EP300: variants seen among roughly 807,000 people sequenced by gnomAD.
EP300 encodes the protein histone acetyltransferase p300.
EP300 carries 31 observed loss-of-function variants against 264.0 expected under a neutral mutation model. That is an observed-to-expected ratio of 0.12 (90% confidence interval 0.09 to 0.16). EP300 has a LOEUF of 0.16. Ranked by LOEUF, EP300 falls within the 10% of genes least tolerant of loss-of-function variation. EP300 has a pLI of 1.00. For synonymous variants in EP300, 1,340 were observed against 1,045.4 expected, an observed-to-expected ratio of 1.28 and a Z score of -5.44; for missense variants, 2,766 against 3,052.9, an observed-to-expected ratio of 0.91 and a Z score of 2.21.
In EP300 at chr22:41,122,677, T is replaced by A. The variant is rs373912329; in HGVS notation, c.730-3187T>A. Among the ~76,000 whole-genome samples the A allele has an allele frequency of 7.2e-4, 109 of 152,258 alleles. 2 individuals are homozygous for A. In the South Asian group the frequency reaches 0.012, roughly 17 times the overall value. ...AGAAGATTAATTTACATTTTTTTGT[T>A]TTTTTTAATAGAGGCAAACTGCTGA... is the stretch of plus-strand genomic sequence containing the variant. On this transcript the variant is annotated intron_variant, in intron 2 of 30. Coordinates refer to ENST00000263253, the MANE Select transcript of EP300 (RefSeq NM_001429.4).
chr22:41,157,177 T>A lies in EP300; in HGVS notation c.3270T>A (p.Phe1090Leu). The A allele has an allele frequency of 6.2e-7, 1 of 1,614,172 alleles. No homozygotes were observed. The highest frequency in any genetic ancestry group is 8.5e-7 in the Non-Finnish European group (1 of 1,180,024). Residue 1090 changes from phenylalanine to leucine, a missense_variant, in exon 18 of 31, where the codon TTT becomes TTA. Transcript: ENST00000263253. ...GTCACTTGTCTTTCTAGGATTACTT[T>A]GATATTGTGAAGAGCCCCATGGATC... is the stretch of plus-strand genomic sequence containing the variant. Reference protein sequence around the residue: ...DPQLLGIPDYFDIVKSPMDLS... With the variant: ...DPQLLGIPDYLDIVKSPMDLS...
intron 2 of EP300, among the ~76,000 whole-genome samples, chr22:41,119,921 TCTC>T (rs2058843117): frequency 6.6e-6 from 1 of 152,132 alleles, no homozygotes; most frequent in Admixed American, 6.5e-5. Context: ...TTCAGGCAGT[TCTC>T]CTGCCTCAGG....
intron 17 of EP300, among the ~76,000 whole-genome samples, chr22:41,155,557 TCA>T (rs1215590208): frequency 6.6e-6 from 1 of 152,096 alleles, no homozygotes; most frequent in Non-Finnish European, 1.5e-5. Context: ...TTTAGTATAT[TCA>T]CAGAGTTGTG....
chr22:41,117,255 C>G lies in EP300; in HGVS notation c.163C>G (p.Leu55Val), dbSNP rs1407218539. 4 of 1,614,080 alleles carry G rather than the reference C, an allele frequency of 2.5e-6. No individual in the cohort carries two copies. The highest frequency in any genetic ancestry group is 3.4e-6 in the Non-Finnish European group (4 of 1,180,046). ...DELINSTELG[L>V]TNGGDINQLQ... ...ATTAATCAACTCTACAGAATTGGGA[C>G]TAACCAATGGTGGTGATATTAATCA... is the stretch of plus-strand genomic sequence containing the variant. The change falls in exon 2 of 31, where the codon CTA becomes GTA. Residue 55 changes from leucine (L) to valine (V), a missense_variant. Transcript: ENST00000263253.
chr22:41,107,363 A>T (rs1020650802), intron 1 of EP300, among the ~76,000 whole-genome samples: 2 of 151,932 alleles, frequency 1.3e-5, no homozygotes. Context: ...ATTTTACTTC[A>T]TTTTACCTAA....
chr22:41,140,275 T>G lies in EP300; in HGVS notation c.1878+18T>G, dbSNP rs1013036650. 1 of 1,516,144 alleles carries G rather than the reference T, an allele frequency of 6.6e-7. No homozygotes were observed. Among genetic ancestry groups the G allele is most frequent in the Admixed American group, 1.7e-5 (1 of 59,906 alleles). The allele number at this position is 1,516,144 out of a possible 1,614,324, so 93.9% of individuals were successfully genotyped here. ...ACAATCGAGTGAGTGTCTGGTTTTT[T>G]TCTATTAATAGCCAAGATTGAACCT... On this transcript the variant is annotated intron_variant, in intron 9 of 30. Coordinates refer to ENST00000263253, the MANE Select transcript of EP300 (RefSeq NM_001429.4).
At chr22:41,142,793 G>A (rs1043655764) in intron 10 of EP300, among the ~76,000 whole-genome samples, 2 of 152,152 alleles carry the variant, frequency 1.3e-5, no homozygotes. Context: ...GGCTGAGGCA[G>A]GAGAACAGTG....
At chr22:41,169,745 CTT>C in intron 26 of EP300, 129 bp downstream of exon 26, 1 of 670,612 alleles carries the variant, frequency 1.5e-6, no homozygotes, top group Non-Finnish European at 2.7e-6. Flanking sequence ...TAACAATTCT[CTT>C]AACTTTGTTG....
chr22:41,131,489 A>G lies in EP300; in HGVS notation c.1384A>G (p.Ser462Gly), dbSNP rs372093137. ...AAGCACTGTTAGTCAGATTGATCCCAGCTCCATAGAAAGAGCCTATGCAGC... is the reference window on the plus strand; with the variant it reads ...AAGCACTGTTAGTCAGATTGATCCCGGCTCCATAGAAAGAGCCTATGCAGC... ...NLSTVSQIDP[S>G]SIERAYAALG... The change falls in exon 6 of 31, where the codon AGC becomes GGC. Residue 462 changes from serine to glycine, a missense_variant. By Grantham distance (56) the Ser-to-Gly change is moderately conservative. Coordinates refer to ENST00000263253, the MANE Select transcript of EP300 (RefSeq NM_001429.4). 1.1e-5 allele frequency: 17 copies of G among 1,614,016 alleles called. No individual in the cohort carries two copies. The highest frequency in any genetic ancestry group is 1.4e-5 in the Non-Finnish European group (17 of 1,180,026).
chr22:41,130,575 C>A (rs888015331), intron 5 of EP300, among the ~76,000 whole-genome samples: 3 of 151,944 alleles, frequency 2.0e-5, no homozygotes, highest in African/African-American at 7.2e-5. Flanking sequence ...CTGAACACTG[C>A]TTAACATCCA....
intron 23 of EP300, among the ~76,000 whole-genome samples, chr22:41,167,584 GTATATATATATATATA>G (rs56131556): frequency 0.044 from 1,484 of 34,102 alleles, 42 homozygotes; most frequent in Non-Finnish European, 0.052. Context: ...GTGTGTGTGT[GTATATATATATATATA>G]TATATATATA....
At chr22:41,167,842 T>TTTTTTTTTTTTTTTTTTTTTTG in intron 23 of EP300, among the ~76,000 whole-genome samples, 1 of 102,632 alleles carries the variant, frequency 9.7e-6, no homozygotes, top group Non-Finnish European at 2.0e-5. Flanking sequence ...TTTTTTTTTT[T>TTTTTTTTTTTTTTTTTTTTTTG]TTTTTTTTTG....
intron 2 of EP300, among the ~76,000 whole-genome samples, chr22:41,125,027 C>T (rs772858641): frequency 3.3e-5 from 5 of 151,620 alleles, no homozygotes; most frequent in Non-Finnish European, 5.9e-5. Flanking sequence ...CAGCCTCAAC[C>T]TCCCAGGCTC....
At chr22:41,126,154 A>G in intron 3 of EP300, 114 bp downstream of exon 3, 1 of 1,047,934 alleles carries the variant, frequency 9.5e-7, no homozygotes, top group Non-Finnish European at 1.5e-6. Flanking sequence ...CTAGGAGCCT[A>G]AATTGATATG....
At position 41,177,160 on chromosome 22, in the gene EP300, C is replaced by A; in HGVS notation, c.5449C>A (p.Gln1817Lys). 1 of 1,614,144 alleles carries A rather than the reference C, an allele frequency of 6.2e-7. No homozygotes were observed. Among genetic ancestry groups the A allele is most frequent in the Non-Finnish European group, 8.5e-7 (1 of 1,180,018 alleles). The change falls in exon 31 of 31, where the codon CAG becomes AAG. Residue 1817 changes from glutamine to lysine, a missense_variant. Gln to Lys is a moderately conservative substitution (Grantham distance 53). Coordinates refer to ENST00000263253, the MANE Select transcript of EP300 (RefSeq NM_001429.4). ...CATCAAGCAGAAGCTCCGGCAGCAA[C>A]AGCTGCAGCACCGACTACAGCAGGC... ...LNIKQKLRQQ[Q>K]LQHRLQQAQM...
intron 1 of EP300, among the ~76,000 whole-genome samples, chr22:41,110,387 G>T (rs185638127): frequency 7.7e-6 from 1 of 129,426 alleles, no homozygotes; most frequent in African/African-American, 2.9e-5. Flanking sequence ...CCACCTCTCG[G>T]GTTCAACTGA....
chr22:41,145,082 A>G (rs550726422), intron 10 of EP300, among the ~76,000 whole-genome samples: 3 of 152,192 alleles, frequency 2.0e-5, no homozygotes, highest in Non-Finnish European at 4.4e-5. Flanking sequence ...GGCACTTGCC[A>G]TTTAGCTTGG....
intron 1 of EP300, among the ~76,000 whole-genome samples, chr22:41,102,419 A>G (rs2058736881): frequency 6.6e-6 from 1 of 152,194 alleles, no homozygotes; most frequent in African/African-American, 2.4e-5. Flanking sequence ...AGCCCAGGCT[A>G]GAAAGGAGAC....
At chr22:41,109,241 A>G in intron 1 of EP300, among the ~76,000 whole-genome samples, 1 of 145,898 alleles carries the variant, frequency 6.9e-6, no homozygotes, top group East Asian at 2.0e-4. Flanking sequence ...GCGACAGAGC[A>G]AGACCCTGTC....
Sources: gnomAD v4.1 joint callset for allele counts (sites outside exome capture counted in the v4.1 genomes callset) on GRCh38, gnomAD v4.1.1 for gene constraint, MANE v1.5 for transcripts, NCBI Gene and HGNC (gene_info 2026-07-23, HGNC 2026-07-21) for gene names.